The following SGK3 variants were observed in gnomAD, a reference collection of about 807,000 sequenced individuals.
SGK3 encodes serine/threonine-protein kinase Sgk3.
SGK3 carries 47 observed loss-of-function variants against 68.5 expected under a neutral mutation model. The observed-to-expected ratio is 0.69, with a 90% confidence interval of 0.54 to 0.87. The LOEUF (loss-of-function observed/expected upper bound fraction) is 0.87. SGK3 is among the 40% of genes least tolerant of loss of function. The pLI, the probability that SGK3 is intolerant of heterozygous loss-of-function variation, is 0.00. For missense variants in SGK3, 479 were observed against 575.5 expected, an observed-to-expected ratio of 0.83 and a Z score of 1.72; for synonymous variants, 181 against 189.1, an observed-to-expected ratio of 0.96 and a Z score of 0.35.
chr8:66,853,519 G>C (rs553538126), intron 16 of SGK3, among the ~76,000 whole-genome samples: 1 of 152,240 alleles, frequency 6.6e-6, no homozygotes, highest in East Asian at 1.9e-4. Flanking sequence ...TGGGGTTATT[G>C]ACCATGCTAA....
chr8:66,756,525 T>TA (rs1411516380), intron 1 of SGK3, among the ~76,000 whole-genome samples: 1 of 148,984 alleles, frequency 6.7e-6, no homozygotes, highest in Non-Finnish European at 1.5e-5. Flanking sequence ...GTTATGGGCT[T>TA]ACAAAAGACA....
intron 10 of SGK3, among the ~76,000 whole-genome samples, chr8:66,838,960 C>T (rs1021959587): frequency 6.6e-6 from 1 of 152,178 alleles, no homozygotes; most frequent in Non-Finnish European, 1.5e-5. Flanking sequence ...GAGCAAGCCT[C>T]TCTGAGCCTC....
At chr8:66,741,244 A>G (rs1421673402) in intron 1 of SGK3, among the ~76,000 whole-genome samples, 4 of 152,110 alleles carry the variant, frequency 2.6e-5, no homozygotes, top group South Asian at 2.1e-4. Context: ...GTCTCAGAGT[A>G]TAGACTTTAA....
At chr8:66,720,278 A>G (rs1804759239) in intron 1 of SGK3, among the ~76,000 whole-genome samples, 1 of 152,224 alleles carries the variant, frequency 6.6e-6, no homozygotes, top group African/African-American at 2.4e-5. Context: ...TGTAATCACT[A>G]AAGGAGAAGC....
intron 1 of SGK3, among the ~76,000 whole-genome samples, chr8:66,759,321 G>A (rs1285479651): frequency 1.3e-5 from 2 of 151,878 alleles, no homozygotes; most frequent in Non-Finnish European, 2.9e-5. Flanking sequence ...CTGACCTCAC[G>A]CGATCCGCCC....
At chr8:66,791,403 T>G (rs893809949) in intron 1 of SGK3, among the ~76,000 whole-genome samples, 6 of 152,110 alleles carry the variant, frequency 3.9e-5, no homozygotes, top group Non-Finnish European at 8.8e-5. Context: ...CAAGTGCAAT[T>G]GCCAAACTGG....
In SGK3 at chr8:66,822,358, A is replaced by T. The variant is rs199750865; in HGVS notation, c.330-14A>T. 9.2e-5 allele frequency: 147 copies of T among 1,596,056 alleles called. No individual in the cohort carries two copies. In the East Asian group the frequency reaches 2.1e-3, roughly 23 times the overall value. ...TGCTTTTGAAGTTATAATAAAGTTA[A>T]TTTTTGTTTTTAGTCCAGATGTCAG... On this transcript the variant is annotated splice_polypyrimidine_tract_variant and intron_variant, in intron 5 of 16. Coordinates refer to ENST00000521198, the MANE Select transcript of SGK3 (RefSeq NM_001033578.3).
intron 8 of SGK3, among the ~76,000 whole-genome samples, chr8:66,834,469 T>G (rs1187759469): frequency 1.1e-4 from 15 of 139,966 alleles, no homozygotes; most frequent in Admixed American, 2.2e-4. Context: ...GGCAGGGTTT[T>G]GTTTTGTTTT....
At chr8:66,763,485 A>G (rs1223034277) in intron 1 of SGK3, among the ~76,000 whole-genome samples, 1 of 152,176 alleles carries the variant, frequency 6.6e-6, no homozygotes, top group Non-Finnish European at 1.5e-5. Flanking sequence ...GCAATCAGCC[A>G]GTTCTCCAAG....
intron 1 of SGK3, among the ~76,000 whole-genome samples, chr8:66,740,955 A>G (rs1315428761): frequency 6.6e-6 from 1 of 151,876 alleles, no homozygotes; most frequent in Non-Finnish European, 1.5e-5. Context: ...CAATGGAGGA[A>G]AAAATTTCCC....
Position 66,768,726 on chromosome 8 carries a change from G to A in SGK3, c.-121-24890G>A, listed in dbSNP as rs570493967. Among the ~76,000 whole-genome samples, 6 of 152,060 alleles carry A rather than the reference G, an allele frequency of 3.9e-5. No individual in the cohort carries two copies. In the South Asian group the frequency reaches 6.2e-4, roughly 16 times the overall value. ...ATTACTGGCGTGTGCCACCACACCC[G>A]GCTAATTTTTGTATTTTTAGTAGAG... On this transcript the variant is annotated intron_variant, in intron 1 of 16. Coordinates refer to ENST00000521198, the MANE Select transcript of SGK3 (RefSeq NM_001033578.3).
intron 3 of SGK3, among the ~76,000 whole-genome samples, chr8:66,798,956 T>C (rs1475706037): frequency 6.6e-6 from 1 of 152,248 alleles, no homozygotes; most frequent in African/African-American, 2.4e-5. Context: ...TTAAATTGCC[T>C]ACTGTAAGCT....
At chr8:66,717,430 G>A (rs770036602) in intron 1 of SGK3, among the ~76,000 whole-genome samples, 18 of 152,146 alleles carry the variant, frequency 1.2e-4, no homozygotes, top group Non-Finnish European at 1.8e-4. Context: ...TGGGGAGGCT[G>A]AGGCAGGAGA....
intron 1 of SGK3, among the ~76,000 whole-genome samples, chr8:66,756,569 CTTTTTTTTT>C (rs34499404): frequency 2.7e-4 from 21 of 77,914 alleles, no homozygotes; most frequent in African/African-American, 6.8e-4. Flanking sequence ...CATGCATCTA[CTTTTTTTTT>C]TTTTTTTTTT....
chr8:66,730,274 A>C (rs1585639801), intron 1 of SGK3, among the ~76,000 whole-genome samples: 1 of 152,286 alleles, frequency 6.6e-6, no homozygotes, highest in East Asian at 1.9e-4. Flanking sequence ...AGAAATGTCT[A>C]TTCAGATTCT....
intron 1 of SGK3, among the ~76,000 whole-genome samples, chr8:66,718,037 T>C (rs1383606320): frequency 6.7e-6 from 1 of 149,114 alleles, no homozygotes; most frequent in Non-Finnish European, 1.5e-5. Flanking sequence ...TTTTTTTCTT[T>C]TTTTTTGACA....
At position 66,756,569 on chromosome 8, in the gene SGK3, C is replaced by CTTTTT. The variant is rs34499404; in HGVS notation, c.-121-37023_-121-37019dup. ...ATCTTGAAATTGAGGCATGCATCTA[C>CTTTTT]TTTTTTTTTTTTTTTTTTTTTTTTT... On this transcript the variant is annotated intron_variant, in intron 1 of 16. Coordinates refer to ENST00000521198, the MANE Select transcript of SGK3 (RefSeq NM_001033578.3). Among the ~76,000 whole-genome samples, 11 of 77,930 alleles carry CTTTTT rather than the reference C, an allele frequency of 1.4e-4. 1 individual carries two copies. The highest frequency in any genetic ancestry group is 2.6e-4 in the Non-Finnish European group (10 of 38,694). The allele number at this position is 77,930 out of a possible 152,430, so 51.1% of individuals were successfully genotyped here.
intron 1 of SGK3, among the ~76,000 whole-genome samples, chr8:66,744,501 ATATATATATATATATATATTT>A: frequency 4.8e-5 from 1 of 20,684 alleles, no homozygotes; most frequent in Non-Finnish European, 9.1e-5. Flanking sequence ...ATATATATAT[ATATATATATATATATATATTT>A]TTTTTTTTTT....
chr8:66,822,546 GT>G, intron 6 of SGK3, 87 bp downstream of exon 6: 2 of 1,290,736 alleles, frequency 1.5e-6, no homozygotes, highest in Non-Finnish European at 2.2e-6. Flanking sequence ...TTCAAATGAA[GT>G]AATTTCATCC....
Sources: gnomAD v4.1 joint callset for allele counts (sites outside exome capture counted in the v4.1 genomes callset) on GRCh38, gnomAD v4.1.1 for gene constraint, MANE v1.5 for transcripts, NCBI Gene and HGNC (gene_info 2026-07-23, HGNC 2026-07-21) for gene names.